ME2: variants seen among roughly 807,000 people sequenced by gnomAD.
ME2 encodes the protein NAD-dependent malic enzyme, mitochondrial.
ME2 carries 60 observed loss-of-function variants against 73.7 expected under a neutral mutation model. The observed-to-expected ratio is 0.81, with a 90% CI of 0.66 to 1.01. The LOEUF is 1.01. Ranked by LOEUF, ME2 falls within the 50% of genes least tolerant of loss-of-function variation. The probability of loss-of-function intolerance (pLI) is 0.00; values close to 1 mark genes in which losing one functional copy is unlikely to be tolerated. For missense variants in ME2, 594 were observed against 705.5 expected, an observed-to-expected ratio of 0.84 and a Z score of 1.79; for synonymous variants, 199 against 236.9, an observed-to-expected ratio of 0.84 and a Z score of 1.47.
intron 6 of ME2, 30 bp from the exon 7 acceptor site, chr18:50,918,064 CTGATTATATAAATTAT>C: frequency 7.8e-7 from 1 of 1,277,784 alleles, no homozygotes; most frequent in Non-Finnish European, 1.1e-6. Flanking sequence ...TGTGTTTAAA[CTGATTATATAAATTAT>C]TTTATTTTTA....
intron 9 of ME2, 64 bp downstream of exon 9, chr18:50,920,822 G>A: frequency 8.1e-7 from 1 of 1,240,966 alleles, no homozygotes; most frequent in Admixed American, 2.3e-5. Context: ...AAAATGGGCA[G>A]AATATTGATG....
At chr18:50,942,621 C>G (rs1365619045) in intron 15 of ME2, 1 of 259,512 alleles carries the variant, frequency 3.9e-6, no homozygotes, top group Non-Finnish European at 7.1e-6. Context: ...TTTTCTTCAT[C>G]TGAATATGGC....
rs1918191549 is a variant in ME2 at position 50,950,217 on chromosome 18, T to A, written c.*3033T>A. On this transcript the variant is annotated 3_prime_UTR_variant, in exon 16 of 16. Coordinates refer to ENST00000321341, the MANE Select transcript of ME2 (RefSeq NM_002396.5). ...GTCCAAGATTTTAGTTAAAATATTTTAAAATTTTTTGATTCATAACCAAGA... is the reference window on the plus strand; with the variant it reads ...GTCCAAGATTTTAGTTAAAATATTTAAAAATTTTTTGATTCATAACCAAGA... The A allele has an allele frequency of 6.6e-6, 1 of 152,184 alleles. No individual in the cohort carries two copies. The highest frequency in any genetic ancestry group is 2.4e-5 in the African/African-American group (1 of 41,448). 9.4% of individuals were successfully genotyped at this position (152,184 alleles called of 1,614,324 possible).
chr18:50,900,739 C>A (rs977748949), intron 2 of ME2, among the ~76,000 whole-genome samples: 4 of 152,118 alleles, frequency 2.6e-5, no homozygotes, highest in African/African-American at 9.7e-5. Context: ...TTCCCCCATG[C>A]TGTTCTTGTG....
In ME2 at chr18:50,950,304, G is replaced by T. The variant is rs1918193182; in HGVS notation, c.*3120G>T. The stretch of plus-strand genomic sequence containing the variant: ...GTGCCTTTGCTCCTCCTCCCTCCAG[G>T]CCCCCGGGGGCAGAGCCCTGGCTGG... On this transcript the variant is annotated 3_prime_UTR_variant, in exon 16 of 16. Coordinates refer to ENST00000321341, the MANE Select transcript of ME2 (RefSeq NM_002396.5). 1 of 151,838 alleles carries T rather than the reference G, an allele frequency of 6.6e-6. No homozygotes were observed. The highest frequency in any genetic ancestry group is 1.5e-5 in the Non-Finnish European group (1 of 68,000). 9.4% of individuals were successfully genotyped at this position (151,838 alleles called of 1,614,324 possible).
chr18:50,892,921 C>T (rs761038411), intron 1 of ME2, among the ~76,000 whole-genome samples: 2 of 151,820 alleles, frequency 1.3e-5, no homozygotes, highest in Admixed American at 1.3e-4. Context: ...GTCAGGAGTT[C>T]GAGACCAGCC....
At chr18:50,890,586 C>A (rs1366582810) in intron 1 of ME2, among the ~76,000 whole-genome samples, 5 of 152,096 alleles carry the variant, frequency 3.3e-5, no homozygotes. Context: ...TTATCTATAT[C>A]ATTTTTTCCT....
chr18:50,887,681 T>C (rs183651474), intron 1 of ME2, among the ~76,000 whole-genome samples: 3 of 152,316 alleles, frequency 2.0e-5, no homozygotes, highest in Non-Finnish European at 4.4e-5. Flanking sequence ...ATGTAGAAAC[T>C]AGTTTTAGCT....
chr18:50,918,259 G>T lies in ME2; in HGVS notation c.734+46G>T, dbSNP rs760747119. ...TATATGAAAGCACCTTTAATGGGGTGGGTGGGGTAAGAACCAAAGTTTTGT... is the reference window on the plus strand; with the variant it reads ...TATATGAAAGCACCTTTAATGGGGTTGGTGGGGTAAGAACCAAAGTTTTGT... On this transcript the variant is annotated intron_variant, in intron 7 of 15. Transcript: ENST00000321341. 2.6e-5 allele frequency: 34 copies of T among 1,326,726 alleles called. No individual in the cohort carries two copies. In the Admixed American group the frequency reaches 5.9e-4, roughly 23 times the overall value. The allele number at this position is 1,326,726 out of a possible 1,614,324, so 82.2% of individuals were successfully genotyped here.
chr18:50,940,322 C>G lies in ME2; in HGVS notation c.1523C>G (p.Ala508Gly). The G allele has an allele frequency of 1.2e-6, 2 of 1,611,048 alleles. No homozygotes were observed. Among genetic ancestry groups the G allele is most frequent in the Non-Finnish European group, 1.7e-6 (2 of 1,179,354 alleles). ...LTSQLTDEEL[A>G]QGRLYPPLAN... ...AGCCAATTGACAGATGAAGAGCTAGCCCAAGGGAGACTTTACCCACCGCTT... is the reference window on the plus strand; with the variant it reads ...AGCCAATTGACAGATGAAGAGCTAGGCCAAGGGAGACTTTACCCACCGCTT... The change falls in exon 15 of 16, where the codon GCC becomes GGC. Residue 508 changes from alanine (A) to glycine (G), a missense_variant. Transcript: ENST00000321341.
intron 15 of ME2, among the ~76,000 whole-genome samples, chr18:50,942,239 A>G (rs1428767790): frequency 6.6e-6 from 1 of 152,188 alleles, no homozygotes; most frequent in African/African-American, 2.4e-5. Context: ...CCCCAGCATT[A>G]TTTATTGATT....
chr18:50,885,794 G>C (rs1166100769), intron 1 of ME2, among the ~76,000 whole-genome samples: 1 of 151,988 alleles, frequency 6.6e-6, no homozygotes, highest in Non-Finnish European at 1.5e-5. Context: ...CCAACTGCTG[G>C]TACTTTCTGC....
rs771592354 is a variant in ME2 at position 50,922,358 on chromosome 18, A to G, written c.1056+1171A>G. Among the ~76,000 whole-genome samples the G allele has an allele frequency of 5.3e-5, 8 of 152,236 alleles. 1 individual carries two copies. The highest frequency in any genetic ancestry group is 8.8e-5 in the Non-Finnish European group (6 of 68,048). Reference sequence around the variant, plus strand: ...GAGTTTTCCAAAGTCATCAGCTTATAAGTGACGGAGGTAGGATTCAAAACC... The same window carrying G: ...GAGTTTTCCAAAGTCATCAGCTTATGAGTGACGGAGGTAGGATTCAAAACC... On this transcript the variant is annotated intron_variant, in intron 10 of 15. Transcript: ENST00000321341.
At chr18:50,880,742 T>C (rs1351853177) in intron 1 of ME2, among the ~76,000 whole-genome samples, 1 of 152,184 alleles carries the variant, frequency 6.6e-6, no homozygotes, top group Admixed American at 6.5e-5. Flanking sequence ...TATCATGCAT[T>C]AATAGGAAAT....
At chr18:50,920,910 T>C in intron 9 of ME2, 152 bp downstream of exon 9, 1 of 739,114 alleles carries the variant, frequency 1.4e-6, no homozygotes, top group Non-Finnish European at 2.2e-6. Flanking sequence ...GTAAAACATG[T>C]AATTTAAAAT....
In ME2 at chr18:50,950,167, G is replaced by A. The variant is rs1918188981; in HGVS notation, c.*2983G>A. The A allele has an allele frequency of 6.6e-6, 1 of 152,166 alleles. No individual in the cohort carries two copies. Among genetic ancestry groups the A allele is most frequent in the Non-Finnish European group, 1.5e-5 (1 of 68,022 alleles). The allele number at this position is 152,166 out of a possible 1,614,324, so 9.4% of individuals were successfully genotyped here. A position where few individuals can be genotyped will look rare whatever the true frequency, so the allele number is the denominator to read the frequency against. ...CAAATTGGATTACTAGCAAGGGTAA[G>A]GTTTATTGACAATGAGAAGTTTTAG... On this transcript the variant is annotated 3_prime_UTR_variant, in exon 16 of 16. Transcript: ENST00000321341.
chr18:50,925,945 T>C (rs1172166544), intron 12 of ME2, 47 bp downstream of exon 12: 2 of 1,323,276 alleles, frequency 1.5e-6, no homozygotes, highest in Admixed American at 1.8e-5. Context: ...TTCCCTCCAC[T>C]AGCTTATTAG....
At chr18:50,917,036 C>G (rs1917302286) in intron 5 of ME2, 1 of 190,186 alleles carries the variant, frequency 5.3e-6, no homozygotes, top group South Asian at 1.4e-4. Context: ...GGTAATCTCT[C>G]CATCAGAATC....
At chr18:50,926,821 A>G (rs1170770191) in intron 12 of ME2, among the ~76,000 whole-genome samples, 1 of 152,084 alleles carries the variant, frequency 6.6e-6, no homozygotes, top group Non-Finnish European at 1.5e-5. Flanking sequence ...TTTCATTTGT[A>G]GAATTTGTGT....
Sources: allele counts gnomAD v4.1 joint callset (sites outside exome capture counted in the v4.1 genomes callset), GRCh38; gene constraint gnomAD v4.1.1; transcripts MANE v1.5; gene names NCBI Gene and HGNC (gene_info 2026-07-23, HGNC 2026-07-21).